Variants in DST observed in about 807,000 individuals in gnomAD.
The protein encoded by DST is dystonin, also known as bullous pemphigoid antigen.
Under a neutral mutation model 875.2 loss-of-function variants are expected in DST, and 253 were observed. The ratio of observed to expected loss-of-function variants is 0.29; its 90% confidence interval spans 0.26 to 0.32. DST has a LOEUF of 0.32. Among genes scored for constraint, DST ranks in the 10% least tolerant of loss-of-function variants. DST has a pLI of 1.00. For missense variants in DST, 8,287 were observed against 9,111.6 expected (o/e 0.91, Z 3.68); for synonymous variants, 3,124 against 3,197.1 (o/e 0.98, Z 0.77).
chr6:56,663,559 C>T (rs184935769), intron 10 of DST, among the ~76,000 whole-genome samples: 4 of 152,196 alleles, frequency 2.6e-5, no homozygotes, highest in Admixed American at 6.5e-5. Context: ...GGCCTCCTCC[C>T]GGTATTAAAC....
chr6:56,483,304 G>A (rs770101973), intron 88 of DST, among the ~76,000 whole-genome samples: 1 of 152,126 alleles, frequency 6.6e-6, no homozygotes, highest in African/African-American at 2.4e-5. Flanking sequence ...ACTACTCTAA[G>A]AGATGTATCT....
In DST at chr6:56,481,192, G is replaced by T. The variant is rs150398282; in HGVS notation, c.21531+858C>A. 2.3e-3 allele frequency among the ~76,000 whole-genome samples: 343 copies of T among 152,258 alleles called. 2 individuals carry two copies. Among genetic ancestry groups the T allele is most frequent in the African/African-American group, 8.1e-3 (335 of 41,554 alleles). Reference sequence around the variant, plus strand: ...AGTCTCCACACATGATGTAATCCATGCTACACTAGAATTAATGATGTATTT... The same window carrying T: ...AGTCTCCACACATGATGTAATCCATTCTACACTAGAATTAATGATGTATTT... On this transcript the variant is annotated intron_variant, in intron 90 of 103. Transcript: ENST00000680361.
chr6:56,544,445 T>C (rs6942347), intron 61 of DST, among the ~76,000 whole-genome samples: 151,670 of 152,352 alleles, frequency 1, 75,496 homozygotes, highest in Middle Eastern at 1. Flanking sequence ...AGGAGCAACA[T>C]ATAACCTCAC....
chr6:56,601,485 T>A lies in DST; in HGVS notation c.11499A>T (p.Leu3833Phe), dbSNP rs376192559. The A allele has an allele frequency of 1.6e-5, 25 of 1,604,992 alleles. No individual in the cohort carries two copies. In the African/African-American group the frequency reaches 3.3e-4, roughly 21 times the overall value. Residue 3833 changes from leucine to phenylalanine, a missense_variant, in exon 44 of 104, where the codon TTA becomes TTT. Transcript: ENST00000680361. The stretch of plus-strand genomic sequence containing the variant: ...CTTGTTCTAGATGTAACTGAGTCTC[T>A]AAACGTTCCACCTGGGTAGTTACTG... ...QESVTTQVER[L>F]ETQLHLEQDL...
At chr6:56,897,524 T>C (rs894728258) in intron 3 of DST, among the ~76,000 whole-genome samples, 45 of 151,990 alleles carry the variant, frequency 3.0e-4, no homozygotes, top group African/African-American at 1.1e-3. Context: ...AGAGAAGGGG[T>C]TTTGCCATGT....
At chr6:56,760,817 G>T (rs760727926) in intron 4 of DST, among the ~76,000 whole-genome samples, 1 of 152,088 alleles carries the variant, frequency 6.6e-6, no homozygotes, top group Non-Finnish European at 1.5e-5. Flanking sequence ...AACATAAAGT[G>T]GATAGTATAA....
intron 3 of DST, among the ~76,000 whole-genome samples, chr6:56,857,302 G>A (rs760392620): frequency 6.6e-6 from 1 of 152,182 alleles, no homozygotes; most frequent in Non-Finnish European, 1.5e-5. Flanking sequence ...ACAAGCATGA[G>A]CCATTGCGCA....
chr6:56,637,225 C>A (rs1215320639), intron 22 of DST, among the ~76,000 whole-genome samples: 2 of 152,060 alleles, frequency 1.3e-5, no homozygotes, highest in Non-Finnish European at 2.9e-5. Context: ...CAGTTGATTT[C>A]TTTTCAATTT....
chr6:56,791,764 G>C (rs2099724592), intron 4 of DST, among the ~76,000 whole-genome samples: 2 of 150,114 alleles, frequency 1.3e-5, no homozygotes, highest in Admixed American at 6.6e-5. Flanking sequence ...CTGCAGTTTG[G>C]GCAACAGAGT....
In DST at chr6:56,492,862, C is replaced by T. The variant is rs943867313; in HGVS notation, c.20550+72G>A. The stretch of plus-strand genomic sequence containing the variant: ...AGTCCTGGACGACAGAGGAGTGAGA[C>T]TCAGTCTCAAAAAAAAAAAAAAAAG... On this transcript the variant is annotated intron_variant, in intron 84 of 103. Transcript: ENST00000680361. 179 of 1,248,914 alleles carry T rather than the reference C, an allele frequency of 1.4e-4. 1 individual carries two copies. Among genetic ancestry groups the T allele is most frequent in the Non-Finnish European group, 3.5e-5 (33 of 940,824 alleles). The allele number at this position is 1,248,914 out of a possible 1,614,324, so 77.4% of individuals were successfully genotyped here. A position where few individuals can be genotyped will look rare whatever the true frequency, so the allele number is the denominator to read the frequency against.
chr6:56,458,668 C>T lies in DST; in HGVS notation c.*337G>A, dbSNP rs1436126222. ...GGAAAATGTCATGAGGTATCCCTAA[C>T]GTCAGGGATTGATGTAGTGCTGTGG... On this transcript the variant is annotated 3_prime_UTR_variant, in exon 104 of 104. Coordinates refer to ENST00000680361, the MANE Select transcript of DST (RefSeq NM_001374736.1). The T allele has an allele frequency of 2.9e-5, 5 of 175,200 alleles. No homozygotes were observed. Among genetic ancestry groups the T allele is most frequent in the African/African-American group, 7.1e-5 (3 of 42,340 alleles). The allele number at this position is 175,200 out of a possible 1,614,324, so 10.9% of individuals were successfully genotyped here.
intron 47 of DST, among the ~76,000 whole-genome samples, chr6:56,597,006 G>T (rs970707264): frequency 8.5e-5 from 13 of 152,130 alleles, no homozygotes; most frequent in Non-Finnish European, 2.9e-5. Context: ...ACTTTGGGAG[G>T]ATGTGGGCGG....
intron 23 of DST, among the ~76,000 whole-genome samples, chr6:56,636,209 T>C (rs1179612596): frequency 1.3e-5 from 2 of 151,566 alleles, no homozygotes; most frequent in African/African-American, 4.8e-5. Context: ...AAACCAACTC[T>C]TTCGGCCTAC....
chr6:56,461,379 T>A (rs933841307), intron 102 of DST: 12 of 152,332 alleles, frequency 7.9e-5, no homozygotes, highest in African/African-American at 2.9e-4. Flanking sequence ...ATCAAGAGCC[T>A]GAGGAGGCAC....
intron 4 of DST, among the ~76,000 whole-genome samples, chr6:56,753,158 C>T (rs1020908932): frequency 2.0e-5 from 3 of 151,920 alleles, no homozygotes; most frequent in Admixed American, 6.6e-5. Context: ...AGTGATATGG[C>T]GAGTATAAGG....
chr6:56,600,338 T>C, intron 44 of DST, 117 bp from the exon 45 acceptor site: 2 of 957,456 alleles, frequency 2.1e-6, no homozygotes, highest in Non-Finnish European at 1.6e-6. Flanking sequence ...TTTATAAGTA[T>C]GCTGTAAACA....
At chr6:56,938,862 T>C (rs1814700963) in intron 2 of DST, among the ~76,000 whole-genome samples, 1 of 152,182 alleles carries the variant, frequency 6.6e-6, no homozygotes, top group Non-Finnish European at 1.5e-5. Context: ...CCAGAGCTCA[T>C]CAAAGATACC....
At chr6:56,652,097 A>C (rs1012468409) in intron 10 of DST, among the ~76,000 whole-genome samples, 4 of 152,190 alleles carry the variant, frequency 2.6e-5, no homozygotes, top group African/African-American at 9.6e-5. Flanking sequence ...ACATGTGTGC[A>C]TGTGCCCCCC....
chr6:56,686,730 T>C (rs939478124), intron 9 of DST, among the ~76,000 whole-genome samples: 1 of 152,212 alleles, frequency 6.6e-6, no homozygotes, highest in Non-Finnish European at 1.5e-5. Context: ...GCTCTGTGTC[T>C]AAAGGAGAGA....
Sources: allele counts gnomAD v4.1 joint callset (sites outside exome capture counted in the v4.1 genomes callset), GRCh38; gene constraint gnomAD v4.1.1; transcripts MANE v1.5; gene names NCBI Gene and HGNC (gene_info 2026-07-23, HGNC 2026-07-21).